The following TRIM33 variants were observed in gnomAD, a reference collection of about 807,000 sequenced individuals.
TRIM33 encodes the protein tripartite motif containing 33, also known as E3 ubiquitin-protein ligase TRIM33.
In TRIM33, 20 loss-of-function variants were observed where a neutral mutation model predicts 125.4. The observed-to-expected ratio is 0.16, with a 90% confidence interval of 0.11 to 0.23. TRIM33 has a LOEUF of 0.23. Ranked by LOEUF, TRIM33 falls within the 10% of genes least tolerant of loss-of-function variation. The pLI, the probability that TRIM33 is intolerant of heterozygous loss-of-function variation, is 1.00. For missense variants in TRIM33, 920 were observed against 1,411.4 expected, an observed-to-expected ratio of 0.65 and a Z score of 5.58; for synonymous variants, 564 against 513.9, an observed-to-expected ratio of 1.10 and a Z score of -1.32.
chr1:114,412,627 T>C (rs1202986302), intron 11 of TRIM33, among the ~76,000 whole-genome samples: 1 of 152,186 alleles, frequency 6.6e-6, no homozygotes, highest in African/African-American at 2.4e-5. Flanking sequence ...TACTGTACGC[T>C]TTTTTCATCT....
At chr1:114,443,163 C>A (rs1251851800) in intron 4 of TRIM33, among the ~76,000 whole-genome samples, 3 of 151,288 alleles carry the variant, frequency 2.0e-5, no homozygotes, top group Non-Finnish European at 2.9e-5. Context: ...GCAGGTAGAT[C>A]ACAAGGTCAG....
At chr1:114,454,662 C>T (rs545884939) in intron 4 of TRIM33, among the ~76,000 whole-genome samples, 1 of 139,446 alleles carries the variant, frequency 7.2e-6, no homozygotes, top group South Asian at 2.3e-4. Context: ...GGCAATAGCA[C>T]AAGACTCCTC....
chr1:114,452,405 A>G (rs1485538773), intron 4 of TRIM33, among the ~76,000 whole-genome samples: 6 of 152,096 alleles, frequency 3.9e-5, no homozygotes, highest in Non-Finnish European at 8.8e-5. Context: ...GGTTGCAGTG[A>G]GCCCAGATCA....
At position 114,397,637 on chromosome 1, in the gene TRIM33, T is replaced by TC. The variant is rs1651623993; in HGVS notation, c.*10dup. 1.4e-6 allele frequency: 1 copy of TC among 734,752 alleles called. No individual in the cohort carries two copies. Among genetic ancestry groups the TC allele is most frequent in the Non-Finnish European group, 2.3e-6 (1 of 437,614 alleles). The allele number at this position is 734,752 out of a possible 1,614,324, so 45.5% of individuals were successfully genotyped here. A position where few individuals can be genotyped will look rare whatever the true frequency, so the allele number is the denominator to read the frequency against. On this transcript the variant is annotated 3_prime_UTR_variant, in exon 20 of 20. Coordinates refer to ENST00000358465, the MANE Select transcript of TRIM33 (RefSeq NM_015906.4). ...TTTTTTTTTAAACAATTGATTTAAA[T>TC]CCATGTCATTTTACTTTATATGTAC...
At chr1:114,466,901 C>T (rs979242326) in intron 1 of TRIM33, among the ~76,000 whole-genome samples, 14 of 152,226 alleles carry the variant, frequency 9.2e-5, no homozygotes, top group Non-Finnish European at 2.1e-4. Flanking sequence ...CCCGCCAGAT[C>T]AGTTAACTCT....
chr1:114,484,944 C>G (rs865830578), intron 1 of TRIM33, among the ~76,000 whole-genome samples: 3 of 151,776 alleles, frequency 2.0e-5, no homozygotes, highest in African/African-American at 7.3e-5. Flanking sequence ...CCCACCTACT[C>G]GGGAGGCTGA....
At chr1:114,398,483 C>A (rs1250413738) in intron 18 of TRIM33, among the ~76,000 whole-genome samples, 3 of 152,246 alleles carry the variant, frequency 2.0e-5, no homozygotes, top group Non-Finnish European at 4.4e-5. Flanking sequence ...AAAAATAAGA[C>A]AGAATTTGGG....
At chr1:114,400,963 T>C (rs1321779530) in intron 17 of TRIM33, among the ~76,000 whole-genome samples, 1 of 151,854 alleles carries the variant, frequency 6.6e-6, no homozygotes, top group Non-Finnish European at 1.5e-5. Flanking sequence ...ACTTGAGTCT[T>C]AGAGAGGTTG....
At chr1:114,509,433 C>T (rs1367712272) in intron 1 of TRIM33, among the ~76,000 whole-genome samples, 1 of 152,180 alleles carries the variant, frequency 6.6e-6, no homozygotes, top group East Asian at 1.9e-4. Flanking sequence ...AGAGTTAACT[C>T]AGACCCTGAT....
intron 1 of TRIM33, among the ~76,000 whole-genome samples, chr1:114,504,720 A>G (rs935217914): frequency 1.3e-5 from 2 of 152,218 alleles, no homozygotes; most frequent in Non-Finnish European, 1.5e-5. Flanking sequence ...AAAAGTAATT[A>G]AAGTCCCCTA....
At chr1:114,434,221 G>C (rs572121739) in intron 4 of TRIM33, among the ~76,000 whole-genome samples, 18 of 152,214 alleles carry the variant, frequency 1.2e-4, no homozygotes, top group Admixed American at 9.2e-4. Context: ...ACCCAGGCTG[G>C]TCTCAAACTC....
chr1:114,428,004 G>A, intron 6 of TRIM33, 110 bp from the exon 7 acceptor site: 2 of 1,096,564 alleles, frequency 1.8e-6, no homozygotes, highest in South Asian at 3.3e-5. Context: ...AATGGGCTAA[G>A]TGAATAAGCT....
intron 12 of TRIM33, among the ~76,000 whole-genome samples, chr1:114,409,677 T>C (rs975260643): frequency 2.0e-5 from 3 of 152,118 alleles, no homozygotes; most frequent in Non-Finnish European, 4.4e-5. Flanking sequence ...ACAAAAATAA[T>C]TACAAAGAAC....
chr1:114,510,349 G>A (rs935350008), intron 1 of TRIM33, among the ~76,000 whole-genome samples: 3 of 151,944 alleles, frequency 2.0e-5, no homozygotes, highest in African/African-American at 7.3e-5. Flanking sequence ...TCTCGCAGCC[G>A]GCACCCCTCC....
chr1:114,424,522 G>T, intron 10 of TRIM33, 69 bp downstream of exon 10: 1 of 1,409,714 alleles, frequency 7.1e-7, no homozygotes, highest in Non-Finnish European at 9.5e-7. Flanking sequence ...CTCCCAAAAA[G>T]TGATTAAGAA....
intron 1 of TRIM33, among the ~76,000 whole-genome samples, chr1:114,479,510 T>C (rs949422357): frequency 2.0e-5 from 3 of 152,054 alleles, no homozygotes; most frequent in Admixed American, 6.5e-5. Context: ...GAATTGTATA[T>C]GCAACAAAAA....
At chr1:114,400,732 A>G (rs539216062) in intron 17 of TRIM33, among the ~76,000 whole-genome samples, 38 of 152,300 alleles carry the variant, frequency 2.5e-4, no homozygotes, top group African/African-American at 8.7e-4. Context: ...GTATGTAATA[A>G]TGTACTATTC....
At chr1:114,472,722 A>C (rs1330237641) in intron 1 of TRIM33, among the ~76,000 whole-genome samples, 1 of 148,996 alleles carries the variant, frequency 6.7e-6, no homozygotes, top group African/African-American at 2.6e-5. Flanking sequence ...CTCAAAAATG[A>C]AAACAAAAAC....
rs1394120907 is a variant in TRIM33 at position 114,460,846 on chromosome 1, G to A, written c.923+2258C>T. Among the ~76,000 whole-genome samples, 4 of 152,138 alleles carry A rather than the reference G, an allele frequency of 2.6e-5. No individual in the cohort carries two copies. The East Asian group carries it at 5.8e-4, about 22-fold the overall frequency. On this transcript the variant is annotated intron_variant, in intron 4 of 19. Coordinates refer to ENST00000358465, the MANE Select transcript of TRIM33 (RefSeq NM_015906.4). The stretch of plus-strand genomic sequence containing the variant: ...AAACACTTGTTTTATTTTATGGAAT[G>A]AAGTATTGCTCAAATCTAAAATCAC...
Sources: gnomAD v4.1 joint callset for allele counts (sites outside exome capture counted in the v4.1 genomes callset) on GRCh38, gnomAD v4.1.1 for gene constraint, MANE v1.5 for transcripts, NCBI Gene and HGNC (gene_info 2026-07-23, HGNC 2026-07-21) for gene names.